SKIC3: variants seen among roughly 807,000 people sequenced by gnomAD.
SKIC3 encodes SKI3 subunit of superkiller complex.
chr5:95,514,450 T>C, the SKIC3 span, among the ~76,000 whole-genome samples: 7 of 152,128 alleles, frequency 4.6e-5, no homozygotes. Context: ...TACAGAAACA[T>C]AATATTCAAA....
chr5:95,538,137 T>C, the SKIC3 span, among the ~76,000 whole-genome samples: 34 of 152,142 alleles, frequency 2.2e-4, no homozygotes, highest in African/African-American at 7.2e-4. Context: ...TTAAGTACAA[T>C]TAATTCTCTG....
the SKIC3 span, among the ~76,000 whole-genome samples, chr5:95,492,401 C>T: frequency 6.6e-6 from 1 of 151,604 alleles, no homozygotes; most frequent in Non-Finnish European, 1.5e-5. Flanking sequence ...CTTTGGGAGG[C>T]CGAGGCGGGC....
At chr5:95,512,330 A>G in the SKIC3 span, 1 of 861,676 alleles carries the variant, frequency 1.2e-6, no homozygotes, top group African/African-American at 1.7e-5. Context: ...TTTACAAAGT[A>G]AAGACTGCTT....
At chr5:95,472,209 G>A in the SKIC3 span, among the ~76,000 whole-genome samples, 1 of 152,058 alleles carries the variant, frequency 6.6e-6, no homozygotes, top group South Asian at 2.1e-4. Context: ...CTCATTTCTG[G>A]ATCTAACAAA....
the SKIC3 span, chr5:95,540,785 C>T: frequency 1.2e-6 from 2 of 1,614,076 alleles, no homozygotes; most frequent in Non-Finnish European, 8.5e-7. Flanking sequence ...TTTTCTGCAC[C>T]TTGTTCCTGC....
chr5:95,506,982 T>G, the SKIC3 span: 1 of 1,613,332 alleles, frequency 6.2e-7, no homozygotes, highest in Non-Finnish European at 8.5e-7. Context: ...AGTATCTTGG[T>G]CTTCTGCAGT....
the SKIC3 span, chr5:95,523,633 C>T: frequency 1.2e-6 from 2 of 1,610,536 alleles, no homozygotes; most frequent in Non-Finnish European, 8.5e-7. Context: ...AAACAAAAAG[C>T]AAAAGTGATT....
At chr5:95,536,648 TATTA>T in the SKIC3 span, 10 of 625,770 alleles carry the variant, frequency 1.6e-5, no homozygotes, top group Non-Finnish European at 2.6e-5. Flanking sequence ...TTCCTATATT[TATTA>T]GTCTTTTCAT....
chr5:95,473,285 T>C, the SKIC3 span, among the ~76,000 whole-genome samples: 2 of 152,084 alleles, frequency 1.3e-5, no homozygotes, highest in African/African-American at 4.8e-5. Context: ...TTTGTTGTTA[T>C]TGTTTGTTTG....
chr5:95,539,555 A>G, the SKIC3 span, among the ~76,000 whole-genome samples: 1 of 152,184 alleles, frequency 6.6e-6, no homozygotes, highest in Non-Finnish European at 1.5e-5. Flanking sequence ...TTAAAGAACT[A>G]AAAGTAGGCT....
At chr5:95,492,673 A>AAAAAAAAAAAAAAAAAAAAAAAAAAAC in the SKIC3 span, among the ~76,000 whole-genome samples, 1 of 139,838 alleles carries the variant, frequency 7.2e-6, no homozygotes, top group Non-Finnish European at 1.5e-5. Flanking sequence ...AAAAAAAAAA[A>AAAAAAAAAAAAAAAAAAAAAAAAAAAC]AAAAAAAAAA....
At chr5:95,497,458 C>T in the SKIC3 span, 124 of 1,613,478 alleles carry the variant, frequency 7.7e-5, no homozygotes, top group South Asian at 1.3e-3. Context: ...CTCGAGACAA[C>T]AGAGACCAAA....
At chr5:95,512,471 C>A in the SKIC3 span, 6 of 1,613,278 alleles carry the variant, frequency 3.7e-6, no homozygotes, top group South Asian at 4.4e-5. Flanking sequence ...ATAACAGGTA[C>A]CTTACCTACA....
the SKIC3 span, among the ~76,000 whole-genome samples, chr5:95,526,940 A>G: frequency 6.6e-6 from 1 of 152,228 alleles, no homozygotes; most frequent in Non-Finnish European, 1.5e-5. Context: ...ATTCAGATAA[A>G]GGCAGGATAA....
chr5:95,538,734 C>T, the SKIC3 span, among the ~76,000 whole-genome samples: 1 of 151,972 alleles, frequency 6.6e-6, no homozygotes, highest in Non-Finnish European at 1.5e-5. Context: ...TTAAAATCTG[C>T]ACCATAAAGA....
chr5:95,540,824 G>A, the SKIC3 span: 20 of 1,613,790 alleles, frequency 1.2e-5, no homozygotes, highest in Non-Finnish European at 1.5e-5. Flanking sequence ...TGCCATGTTC[G>A]AGCCACCTAT....
chr5:95,503,393 G>T, the SKIC3 span, among the ~76,000 whole-genome samples: 1 of 152,094 alleles, frequency 6.6e-6, no homozygotes, highest in Non-Finnish European at 1.5e-5. Context: ...TACACATGTG[G>T]GCTAAGCCCA....
chr5:95,550,953 T>C, the SKIC3 span, among the ~76,000 whole-genome samples: 1 of 151,944 alleles, frequency 6.6e-6, no homozygotes, highest in Non-Finnish European at 1.5e-5. Flanking sequence ...GATGTCAATA[T>C]AAAAAAATAG....
At chr5:95,497,274 A>G in the SKIC3 span, 1 of 794,156 alleles carries the variant, frequency 1.3e-6, no homozygotes, top group Non-Finnish European at 2.1e-6. Context: ...TTGAATGACT[A>G]ATGGAAAATT....
Sources: gnomAD v4.1 joint callset for allele counts (sites outside exome capture counted in the v4.1 genomes callset) on GRCh38, gnomAD v4.1.1 for gene constraint, MANE v1.5 for transcripts, NCBI Gene and HGNC (gene_info 2026-07-23, HGNC 2026-07-21) for gene names.